The following CAMTA1 variants were observed in gnomAD, a reference collection of about 807,000 sequenced individuals.
CAMTA1 encodes the protein calmodulin-binding transcription activator 1.
Under a neutral mutation model 170.9 loss-of-function variants are expected in CAMTA1, and 27 were observed. The observed-to-expected ratio is 0.16, with a 90% confidence interval of 0.12 to 0.22. The LOEUF (loss-of-function observed/expected upper bound fraction) is 0.22, where lower values mean the gene tolerates loss of function less well. Ranked by LOEUF, CAMTA1 falls within the 10% of genes least tolerant of loss-of-function variation. The pLI is 1.00. For missense variants in CAMTA1, 1,619 were observed against 2,217.2 expected, an observed-to-expected ratio of 0.73 and a Z score of 5.42; for synonymous variants, 833 against 891.5, an observed-to-expected ratio of 0.93 and a Z score of 1.17.
chr1:6,829,073 T>G lies in CAMTA1; in HGVS notation c.234+3863T>G, dbSNP rs1374273889. On this transcript the variant is annotated intron_variant, in intron 3 of 22. Coordinates refer to ENST00000303635, the MANE Select transcript of CAMTA1 (RefSeq NM_015215.4). ...CACCACACCTGGATAATTTTTGTATTTTATAATTTTGTAGAGATGGGGTTT... is the reference window on the plus strand; with the variant it reads ...CACCACACCTGGATAATTTTTGTATGTTATAATTTTGTAGAGATGGGGTTT... 3.9e-5 allele frequency among the ~76,000 whole-genome samples: 6 copies of G among 152,084 alleles called. No individual in the cohort carries two copies. In the South Asian group the frequency reaches 1.2e-3, roughly 32 times the overall value.
At chr1:7,737,813 T>C (rs752377614) in intron 15 of CAMTA1, 146 bp from the exon 16 acceptor site, 3 of 842,312 alleles carry the variant, frequency 3.6e-6, no homozygotes, top group African/African-American at 1.7e-5. Flanking sequence ...ATCTGGTGTA[T>C]GCTACTGGGG....
chr1:6,838,299 A>C (rs1433627909), intron 3 of CAMTA1, among the ~76,000 whole-genome samples: 1 of 152,218 alleles, frequency 6.6e-6, no homozygotes, highest in Non-Finnish European at 1.5e-5. Flanking sequence ...CCTGTGTGCA[A>C]ATGGATTCCC....
chr1:7,500,218 TGA>T (rs2093974144), intron 6 of CAMTA1, among the ~76,000 whole-genome samples: 1 of 138,386 alleles, frequency 7.2e-6, no homozygotes, highest in Non-Finnish European at 1.5e-5. Flanking sequence ...TGTATGTATA[TGA>T]GTGTATGTGT....
rs1576554792 is a variant in CAMTA1, at chr1:7,642,728, C to A, written c.664+2175C>A. Among the ~76,000 whole-genome samples, 2 of 152,220 alleles carry A rather than the reference C, an allele frequency of 1.3e-5. No homozygotes were observed. The highest frequency in any genetic ancestry group is 3.4e-3 in the Middle Eastern group (1 of 294). ...GGTGCTCATCCTGGCTTCATGGCTGCCCCTCTACACAGCCCCAGACCAATG... is the reference window on the plus strand; with the variant it reads ...GGTGCTCATCCTGGCTTCATGGCTGACCCTCTACACAGCCCCAGACCAATG... On this transcript the variant is annotated intron_variant, in intron 7 of 22. Coordinates refer to ENST00000303635, the MANE Select transcript of CAMTA1 (RefSeq NM_015215.4). The surrounding 1 kb of genome is among the most constrained non-coding windows in gnomAD (Gnocchi z 6.3).
intron 11 of CAMTA1, among the ~76,000 whole-genome samples, chr1:7,703,874 G>A (rs990491746): frequency 5.9e-5 from 9 of 152,108 alleles, no homozygotes; most frequent in African/African-American, 1.9e-4. Context: ...GCCGGGGCGA[G>A]AGACCCTCAC....
chr1:6,946,812 A>G (rs1395424968), intron 3 of CAMTA1, among the ~76,000 whole-genome samples: 2 of 151,238 alleles, frequency 1.3e-5, no homozygotes, highest in Non-Finnish European at 3.0e-5. Context: ...AAAGTTTTAC[A>G]TTTTGATGAT....
rs888366331 is a variant in CAMTA1 at position 7,333,541 on chromosome 1, C to T, written c.438+83915C>T. 1.3e-5 allele frequency among the ~76,000 whole-genome samples: 2 copies of T among 152,286 alleles called. No individual in the cohort carries two copies. The highest frequency in any genetic ancestry group is 1.9e-4 in the East Asian group (1 of 5,170). On this transcript the variant is annotated intron_variant, in intron 5 of 22. Transcript: ENST00000303635. This position sits in a 1 kb window ranked among gnomAD's most constrained non-coding sequence, Gnocchi z 4.4. ...AGAAATGTCAGGGGCTCCTGCCATG[C>T]GCAGCCAAGGCATTGGATCTTCATA...
chr1:6,962,048 CGT>C (rs1206090685), intron 3 of CAMTA1, among the ~76,000 whole-genome samples: 1 of 151,942 alleles, frequency 6.6e-6, no homozygotes, highest in Non-Finnish European at 1.5e-5. Flanking sequence ...TGTCCCCAAA[CGT>C]GTCTCCCTCG....
intron 3 of CAMTA1, among the ~76,000 whole-genome samples, chr1:7,047,750 GA>G (rs1433471869): frequency 2.7e-5 from 4 of 148,934 alleles, no homozygotes; most frequent in African/African-American, 1.0e-4. Context: ...AGGTTACTAG[GA>G]TTAGAGATTG....
intron 5 of CAMTA1, among the ~76,000 whole-genome samples, chr1:7,419,161 T>A (rs2091395644): frequency 6.6e-6 from 1 of 151,906 alleles, no homozygotes; most frequent in African/African-American, 2.4e-5. Flanking sequence ...TATTTTTATT[T>A]ATGTATTTAT....
At chr1:7,087,110 T>C (rs1211463373) in intron 3 of CAMTA1, among the ~76,000 whole-genome samples, 1 of 152,224 alleles carries the variant, frequency 6.6e-6, no homozygotes. Flanking sequence ...TCAAGAGAGA[T>C]AGACCAGACC....
intron 3 of CAMTA1, among the ~76,000 whole-genome samples, chr1:7,038,836 TC>T (rs1227282816): frequency 6.6e-6 from 1 of 152,156 alleles, no homozygotes; most frequent in Non-Finnish European, 1.5e-5. Context: ...GGTCAGGAGT[TC>T]GAGACCAGTA....
In CAMTA1 at chr1:7,293,066, TG is replaced by T. The variant is rs1210334701; in HGVS notation, c.438+43443del. ...TCCGGCGGGGTGTCCTACTCCCTGC[TG>T]GGTCACTGGAGCTTCCAGAGCCCAG... On this transcript the variant is annotated intron_variant, in intron 5 of 22. Coordinates refer to ENST00000303635, the MANE Select transcript of CAMTA1 (RefSeq NM_015215.4). The surrounding 1 kb of genome is among the most constrained non-coding windows in gnomAD (Gnocchi z 4.1). Among the ~76,000 whole-genome samples, 3 of 152,200 alleles carry T rather than the reference TG, an allele frequency of 2.0e-5. No individual in the cohort carries two copies. Among genetic ancestry groups the T allele is most frequent in the Non-Finnish European group, 2.9e-5 (2 of 68,022 alleles).
rs977022631 is a variant in CAMTA1 at position 7,737,167 on chromosome 1, C to T, written c.3343-88C>T. 5.1e-5 allele frequency: 72 copies of T among 1,422,052 alleles called. 1 individual carries two copies. In the Admixed American group the frequency reaches 1.3e-3, roughly 25 times the overall value. 88.1% of individuals were successfully genotyped at this position (1,422,052 alleles called of 1,614,324 possible). A position where few individuals can be genotyped will look rare whatever the true frequency, so the allele number is the denominator to read the frequency against. ...GCCCCACCGAGATTGCCAGCAAGGA[C>T]CAGTTTGTCAGTTGGCAGCAATGGC... On this transcript the variant is annotated intron_variant, in intron 14 of 22. Transcript: ENST00000303635.
At position 7,062,960 on chromosome 1, in the gene CAMTA1, C is replaced by T. The variant is rs146706715; in HGVS notation, c.235-28344C>T. Among the ~76,000 whole-genome samples, 252 of 152,320 alleles carry T rather than the reference C, an allele frequency of 1.7e-3. 1 individual carries two copies. The highest frequency in any genetic ancestry group is 5.9e-3 in the African/African-American group (245 of 41,568). Reference sequence around the variant, plus strand: ...TCACATTGGATTGGGGCCCATCCTACTCCGTTATGACTTCATCTTAACTAG... The same window carrying T: ...TCACATTGGATTGGGGCCCATCCTATTCCGTTATGACTTCATCTTAACTAG... On this transcript the variant is annotated intron_variant, in intron 3 of 22. Transcript: ENST00000303635.
chr1:7,155,388 G>T (rs952468671), intron 4 of CAMTA1, among the ~76,000 whole-genome samples: 16 of 59,250 alleles, frequency 2.7e-4, no homozygotes, highest in African/African-American at 1.1e-3. Flanking sequence ...GGGCACCGTT[G>T]GGGGGGGGAT....
intron 3 of CAMTA1, among the ~76,000 whole-genome samples, chr1:6,876,626 G>A (rs1287347380): frequency 1.3e-5 from 2 of 152,208 alleles, no homozygotes; most frequent in African/African-American, 4.8e-5. Flanking sequence ...GCCTCCTAGA[G>A]TGCTGGGATT....
At chr1:7,199,646 G>T (rs567793138) in intron 4 of CAMTA1, among the ~76,000 whole-genome samples, 83 of 152,074 alleles carry the variant, frequency 5.5e-4, no homozygotes, top group Non-Finnish European at 9.3e-4. Flanking sequence ...AGCCGTGTGC[G>T]CAGGGAGAGT....
rs991174235 is a variant in CAMTA1 at position 7,041,575 on chromosome 1, A to G, written c.235-49729A>G. Among the ~76,000 whole-genome samples, 2 of 152,262 alleles carry G rather than the reference A, an allele frequency of 1.3e-5. No homozygotes were observed. Among genetic ancestry groups the G allele is most frequent in the African/African-American group, 2.4e-5 (1 of 41,474 alleles). On this transcript the variant is annotated intron_variant, in intron 3 of 22. Transcript: ENST00000303635. The surrounding 1 kb of genome is among the most constrained non-coding windows in gnomAD (Gnocchi z 5.1). Reference sequence around the variant, plus strand: ...ACATGCTGAAAAGACAGTTCTGTAGAAATGTGAAACATTATTATGTTATAG... The same window carrying G: ...ACATGCTGAAAAGACAGTTCTGTAGGAATGTGAAACATTATTATGTTATAG...
Sources: allele counts gnomAD v4.1 joint callset (sites outside exome capture counted in the v4.1 genomes callset), GRCh38; gene constraint gnomAD v4.1.1; non-coding constraint Gnocchi (gnomAD v3.1); transcripts MANE v1.5; gene names NCBI Gene and HGNC (gene_info 2026-07-23, HGNC 2026-07-21).